TTC28: variants seen among roughly 807,000 people sequenced by gnomAD.
The protein encoded by TTC28 is tetratricopeptide repeat domain 28, also known as tetratricopeptide repeat protein 28.
Under a neutral mutation model 198.0 loss-of-function variants are expected in TTC28, and 61 were observed. The ratio of observed to expected loss-of-function variants is 0.31; its 90% CI spans 0.25 to 0.38. The LOEUF is 0.38. Ranked by LOEUF, TTC28 falls within the 10% of genes least tolerant of loss-of-function variation. TTC28 has a pLI of 1.00. For missense variants in TTC28, 2,678 were observed against 3,164.0 expected (o/e 0.85, Z 3.69); for synonymous variants, 1,171 against 1,297.8 (o/e 0.90, Z 2.10).
At chr22:28,465,255 A>C (rs1296478984) in intron 2 of TTC28, among the ~76,000 whole-genome samples, 2 of 152,196 alleles carry the variant, frequency 1.3e-5, no homozygotes, top group African/African-American at 4.8e-5. Context: ...AGAGAACCAG[A>C]AGTTCAATTT....
chr22:28,461,687 C>T (rs1187687621), intron 2 of TTC28, among the ~76,000 whole-genome samples: 3 of 152,146 alleles, frequency 2.0e-5, no homozygotes, highest in Non-Finnish European at 4.4e-5. Context: ...CCTTGGCCTC[C>T]CAAAGTGCTG....
chr22:28,188,070 G>A (rs1291742963), intron 5 of TTC28, among the ~76,000 whole-genome samples: 1 of 152,166 alleles, frequency 6.6e-6, no homozygotes, highest in African/African-American at 2.4e-5. Context: ...CAAGGCATCT[G>A]CTCCAAACTC....
intron 6 of TTC28, among the ~76,000 whole-genome samples, chr22:28,135,058 G>C (rs953071515): frequency 6.6e-6 from 1 of 152,164 alleles, no homozygotes; most frequent in Non-Finnish European, 1.5e-5. Context: ...GGTATGATGA[G>C]TGATTTTCTA....
intron 5 of TTC28, among the ~76,000 whole-genome samples, chr22:28,222,682 T>C (rs1273897673): frequency 3.9e-5 from 6 of 152,182 alleles, no homozygotes; most frequent in Non-Finnish European, 8.8e-5. Context: ...CTATTCATCA[T>C]CCTCAGACAT....
intron 5 of TTC28, among the ~76,000 whole-genome samples, chr22:28,238,224 C>T (rs1929391461): frequency 6.6e-6 from 1 of 152,106 alleles, no homozygotes; most frequent in African/African-American, 2.4e-5. Flanking sequence ...TTCTAGTCTA[C>T]CTAATAGTAT....
At chr22:28,276,659 G>A (rs1441964373) in intron 5 of TTC28, among the ~76,000 whole-genome samples, 1 of 152,100 alleles carries the variant, frequency 6.6e-6, no homozygotes, top group Non-Finnish European at 1.5e-5. Flanking sequence ...GCTAAACACT[G>A]TGCTAAATAC....
intron 13 of TTC28, among the ~76,000 whole-genome samples, chr22:28,017,239 G>A (rs1356811569): frequency 4.6e-5 from 7 of 152,336 alleles, no homozygotes; most frequent in Non-Finnish European, 8.8e-5. Flanking sequence ...TGCTAACGGC[G>A]GTGGCATCTT....
intron 2 of TTC28, among the ~76,000 whole-genome samples, chr22:28,591,040 C>CACATATAT (rs1362164401): frequency 9.8e-5 from 3 of 30,746 alleles, no homozygotes; most frequent in African/African-American, 4.9e-4. Context: ...CACACACACA[C>CACATATAT]ATATATATAT....
At chr22:28,670,537 C>T (rs544673905) in intron 1 of TTC28, among the ~76,000 whole-genome samples, 3 of 152,122 alleles carry the variant, frequency 2.0e-5, no homozygotes, top group African/African-American at 4.8e-5. Flanking sequence ...CAGAATAATA[C>T]TCCACTGGAA....
chr22:28,215,955 T>G (rs1927362455), intron 5 of TTC28, among the ~76,000 whole-genome samples: 1 of 152,176 alleles, frequency 6.6e-6, no homozygotes, highest in Admixed American at 6.6e-5. Flanking sequence ...TGCTTAAAAA[T>G]TAAATACCAA....
At chr22:28,534,751 T>C (rs928358421) in intron 2 of TTC28, among the ~76,000 whole-genome samples, 2 of 152,222 alleles carry the variant, frequency 1.3e-5, no homozygotes, top group African/African-American at 4.8e-5. Flanking sequence ...GATGAGTTCA[T>C]GTCCTTTGTA....
chr22:28,519,051 A>G (rs2048847193), intron 2 of TTC28, among the ~76,000 whole-genome samples: 1 of 152,208 alleles, frequency 6.6e-6, no homozygotes, highest in African/African-American at 2.4e-5. Context: ...TAATTTTTAC[A>G]ACCTTGGTTA....
At chr22:28,093,285 C>T (rs1466727272) in intron 12 of TTC28, among the ~76,000 whole-genome samples, 2 of 152,188 alleles carry the variant, frequency 1.3e-5, no homozygotes, top group Non-Finnish European at 2.9e-5. Context: ...CACAGAATTA[C>T]CTAAGGATTT....
chr22:28,526,676 G>C (rs1397496871), intron 2 of TTC28, among the ~76,000 whole-genome samples: 2 of 152,118 alleles, frequency 1.3e-5, no homozygotes, highest in African/African-American at 2.4e-5. Flanking sequence ...ATATGATATT[G>C]AGCTTTCTTC....
intron 19 of TTC28, among the ~76,000 whole-genome samples, chr22:27,991,189 G>A (rs1307950177): frequency 6.6e-6 from 1 of 152,232 alleles, no homozygotes. Flanking sequence ...GCAGCCTCGG[G>A]ACATGTCCCT....
chr22:28,245,801 C>T (rs565836024), intron 5 of TTC28, among the ~76,000 whole-genome samples: 2 of 152,318 alleles, frequency 1.3e-5, no homozygotes, highest in South Asian at 2.1e-4. Flanking sequence ...AAAGGTCAAG[C>T]TCTTCAACCT....
chr22:28,261,022 CTGTT>C (rs1016109552), intron 5 of TTC28, among the ~76,000 whole-genome samples: 1 of 152,132 alleles, frequency 6.6e-6, no homozygotes, highest in Non-Finnish European at 1.5e-5. Context: ...TCCTCCTACT[CTGTT>C]TGTGCCTCTG....
At chr22:28,417,626 G>A (rs2047188079) in intron 2 of TTC28, among the ~76,000 whole-genome samples, 1 of 152,152 alleles carries the variant, frequency 6.6e-6, no homozygotes, top group Non-Finnish European at 1.5e-5. Flanking sequence ...TGGTAGACAT[G>A]TTCACATAGT....
chr22:28,466,095 A>C (rs2048016038), intron 2 of TTC28, among the ~76,000 whole-genome samples: 1 of 152,244 alleles, frequency 6.6e-6, no homozygotes, highest in African/African-American at 2.4e-5. Context: ...TTTATTGCTA[A>C]GGAAGAAACG....
Sources: allele counts gnomAD v4.1 joint callset (sites outside exome capture counted in the v4.1 genomes callset), GRCh38; gene constraint gnomAD v4.1.1; transcripts MANE v1.5; gene names NCBI Gene and HGNC (gene_info 2026-07-23, HGNC 2026-07-21).